Variants in NRG1 observed in about 807,000 individuals in gnomAD.
NRG1 encodes pro-neuregulin-1, membrane-bound isoform.
A neutral mutation model predicts 63.8 loss-of-function variants in NRG1; 18 were observed. The observed-to-expected ratio is 0.28, with a 90% confidence interval of 0.19 to 0.42. The LOEUF is 0.42. Ranked by LOEUF, NRG1 falls within the 10% of genes least tolerant of loss-of-function variation. The pLI is 1.00. For synonymous variants in NRG1, 302 were observed against 301.3 expected (o/e 1.00, Z -0.02); for missense variants, 762 against 814.7 (o/e 0.94, Z 0.79).
At chr8:31,927,673 C>G (rs1489772870) in intron 1 of NRG1, among the ~76,000 whole-genome samples, 1 of 149,056 alleles carries the variant, frequency 6.7e-6, no homozygotes, top group Non-Finnish European at 1.5e-5. Context: ...TGGTCTCGAT[C>G]TCCTGACCTC....
At chr8:32,110,205 TGAAA>T (rs976622406) in intron 1 of NRG1, among the ~76,000 whole-genome samples, 1 of 151,964 alleles carries the variant, frequency 6.6e-6, no homozygotes, top group African/African-American at 2.4e-5. Flanking sequence ...CCTTGGATCT[TGAAA>T]GAAAGAAAAA....
chr8:31,949,248 C>T (rs1297334071), intron 1 of NRG1, among the ~76,000 whole-genome samples: 3 of 152,148 alleles, frequency 2.0e-5, no homozygotes, highest in Non-Finnish European at 4.4e-5. Flanking sequence ...GAAACTGTGA[C>T]TTAGATGCAT....
chr8:32,336,768 C>T (rs7013878), intron 1 of NRG1, among the ~76,000 whole-genome samples: 46,100 of 151,940 alleles, frequency 0.3, 7,150 homozygotes, highest in South Asian at 0.35. Context: ...CGCAGCTAAA[C>T]CCAGCTAGTT....
intron 1 of NRG1, among the ~76,000 whole-genome samples, chr8:32,212,191 C>G (rs1025516835): frequency 8.5e-5 from 13 of 152,128 alleles, no homozygotes; most frequent in South Asian, 6.2e-4. Context: ...CCACCAACTT[C>G]ATGACCATAA....
chr8:31,848,888 T>A (rs899433293), intron 1 of NRG1, among the ~76,000 whole-genome samples: 1 of 152,186 alleles, frequency 6.6e-6, no homozygotes, highest in Non-Finnish European at 1.5e-5. Flanking sequence ...AATAATAATA[T>A]AATTGAAGTG....
intron 1 of NRG1, among the ~76,000 whole-genome samples, chr8:32,540,072 G>A (rs1832421361): frequency 6.6e-6 from 1 of 152,132 alleles, no homozygotes; most frequent in Non-Finnish European, 1.5e-5. Context: ...TCAAAAGAAA[G>A]GTTTTGTTGT....
At chr8:32,241,899 CAG>C (rs1848136773) in intron 1 of NRG1, among the ~76,000 whole-genome samples, 1 of 151,952 alleles carries the variant, frequency 6.6e-6, no homozygotes, top group Admixed American at 6.6e-5. Flanking sequence ...GCTGGGACTA[CAG>C]GTCCCAGGTG....
In NRG1 at chr8:31,709,006, C is replaced by T. The variant is rs989635287; in HGVS notation, c.37+69575C>T. ...ACATATTTCATGTATTCATGACACACGTTTTTCTTAAATTTTTCTATATTT... is the reference window on the plus strand; with the variant it reads ...ACATATTTCATGTATTCATGACACATGTTTTTCTTAAATTTTTCTATATTT... On this transcript the variant is annotated intron_variant, in intron 1 of 10. Transcript: ENST00000519301. 1.5e-4 allele frequency among the ~76,000 whole-genome samples: 23 copies of T among 152,214 alleles called. 1 individual carries two copies. The highest frequency in any genetic ancestry group is 1.0e-3 in the South Asian group (5 of 4,820).
intron 7 of NRG1, among the ~76,000 whole-genome samples, chr8:32,746,490 C>T (rs1318204644): frequency 1.3e-5 from 2 of 152,090 alleles, no homozygotes; most frequent in Non-Finnish European, 2.9e-5. Context: ...GAAAGTTGTT[C>T]TATTGTTCTT....
chr8:31,758,600 G>A (rs1330494056), intron 1 of NRG1, among the ~76,000 whole-genome samples: 1 of 152,056 alleles, frequency 6.6e-6, no homozygotes, highest in African/African-American at 2.4e-5. Flanking sequence ...ATTTAGCTTG[G>A]TGTAATGGTT....
At chr8:31,850,207 G>A (rs56164169) in intron 1 of NRG1, among the ~76,000 whole-genome samples, 22,046 of 152,070 alleles carry the variant, frequency 0.14, 1,994 homozygotes, top group Non-Finnish European at 0.19. Context: ...GATTTTATAA[G>A]TGTAGGGTAA....
intron 1 of NRG1, among the ~76,000 whole-genome samples, chr8:31,995,158 G>T (rs1811757348): frequency 6.6e-6 from 1 of 151,760 alleles, no homozygotes; most frequent in Non-Finnish European, 1.5e-5. Context: ...TTAACATTTT[G>T]TCCTCAGCTT....
chr8:32,484,265 G>C (rs1251970856), intron 1 of NRG1, among the ~76,000 whole-genome samples: 1 of 152,126 alleles, frequency 6.6e-6, no homozygotes, highest in East Asian at 1.9e-4. Flanking sequence ...AAAATGCCCA[G>C]GTACAAACTA....
intron 1 of NRG1, among the ~76,000 whole-genome samples, chr8:31,671,102 C>T (rs1246582059): frequency 7.2e-5 from 11 of 152,038 alleles, no homozygotes; most frequent in African/African-American, 2.7e-4. Context: ...ATTGTGGCCT[C>T]CAGCTCCATC....
chr8:32,297,694 T>C (rs1317357140), intron 1 of NRG1, among the ~76,000 whole-genome samples: 1 of 152,036 alleles, frequency 6.6e-6, no homozygotes, highest in Non-Finnish European at 1.5e-5. Flanking sequence ...CTGTCTCTGC[T>C]TTCTTTTATG....
intron 1 of NRG1, among the ~76,000 whole-genome samples, chr8:31,670,983 G>C (rs1448566065): frequency 6.6e-6 from 1 of 152,102 alleles, no homozygotes; most frequent in African/African-American, 2.4e-5. Context: ...ATAGGTCCCA[G>C]TGTCTATTGT....
At chr8:31,834,301 A>ATG (rs376775050) in intron 1 of NRG1, among the ~76,000 whole-genome samples, 49,863 of 144,994 alleles carry the variant, frequency 0.34, 9,963 homozygotes, top group East Asian at 0.77. Context: ...GTGTGCGCGC[A>ATG]CGCGCGCACA....
chr8:32,593,017 A>G (rs1446107605), intron 1 of NRG1, among the ~76,000 whole-genome samples: 1 of 152,212 alleles, frequency 6.6e-6, no homozygotes, highest in Non-Finnish European at 1.5e-5. Context: ...TACAAGGAAG[A>G]GAAAATATAT....
intron 1 of NRG1, chr8:32,139,505 G>A (rs1469185906): frequency 6.6e-6 from 1 of 152,188 alleles, no homozygotes; most frequent in Non-Finnish European, 1.5e-5. Context: ...AGTAATATGT[G>A]TTGAAAAGAA....
Sources: allele counts gnomAD v4.1 joint callset (sites outside exome capture counted in the v4.1 genomes callset), GRCh38; gene constraint gnomAD v4.1.1; transcripts MANE v1.5; gene names NCBI Gene and HGNC (gene_info 2026-07-23, HGNC 2026-07-21).